GNS: variants seen among roughly 807,000 people sequenced by gnomAD.
GNS encodes glucosamine (N-acetyl)-6-sulfatase, also known as N-acetylglucosamine-6-sulfatase.
Under a neutral mutation model 69.7 loss-of-function variants are expected in GNS, and 40 were observed. That is an observed-to-expected ratio of 0.57 (90% CI 0.45 to 0.75). The LOEUF is 0.75. GNS is among the 30% of genes least tolerant of loss of function. GNS has a pLI of 0.00. For missense variants in GNS, 565 were observed against 685.5 expected, an observed-to-expected ratio of 0.82 and a Z score of 1.96; for synonymous variants, 243 against 251.6, an observed-to-expected ratio of 0.97 and a Z score of 0.32.
chr12:64,752,028 C>T (rs748661695), intron 2 of GNS, among the ~76,000 whole-genome samples: 50 of 150,404 alleles, frequency 3.3e-4, no homozygotes, highest in Non-Finnish European at 6.5e-4. Flanking sequence ...CACCTATTAA[C>T]TCAACCTCAC....
At chr12:64,737,152 C>A in intron 8 of GNS, 45 bp from the exon 9 acceptor site, 1 of 990,244 alleles carries the variant, frequency 1.0e-6, no homozygotes, top group Non-Finnish European at 1.6e-6. Flanking sequence ...AAGACAGGAG[C>A]CTTGCTCATG....
At chr12:64,735,952 G>C (rs1869544155) in intron 9 of GNS, among the ~76,000 whole-genome samples, 1 of 152,180 alleles carries the variant, frequency 6.6e-6, no homozygotes, top group African/African-American at 2.4e-5. Flanking sequence ...GTGAAAAATA[G>C]ACATTTAAAC....
In GNS at chr12:64,750,838, T is replaced by G. The variant is rs186440906; in HGVS notation, c.252+1860A>C. Among the ~76,000 whole-genome samples the G allele has an allele frequency of 1.1e-3, 170 of 152,242 alleles. 1 individual carries two copies. The highest frequency in any genetic ancestry group is 3.8e-3 in the African/African-American group (158 of 41,540). On this transcript the variant is annotated intron_variant, in intron 2 of 13. Transcript: ENST00000258145. ...GGAGGATCATCTGAGCCCAGGAGTT[T>G]GAGTTCAAGTCTTCAGTGAGCTACG...
Position 64,720,077 on chromosome 12 carries a change from T to A in GNS, c.1525A>T (p.Met509Leu). 6.2e-7 allele frequency: 1 copy of A among 1,611,674 alleles called. No homozygotes were observed. Among genetic ancestry groups the A allele is most frequent in the Non-Finnish European group, 8.5e-7 (1 of 1,177,762 alleles). The part of the protein sequence containing the change: ...LLGKMNYRLM[M>L]LQSCSGPTCR... ...GTTGGCCCAGAACAGGACTGTAACATCATTAACCGATAGTTCATCTTTCCT... is the reference window on the plus strand; with the variant it reads ...GTTGGCCCAGAACAGGACTGTAACAACATTAACCGATAGTTCATCTTTCCT... The change falls in exon 13 of 14, where the codon ATG becomes TTG. Residue 509 changes from methionine to leucine, a missense_variant. This residue lies in a region of GNS where 384 missense variants were observed against 511.0 expected (regional missense o/e 0.75). Coordinates refer to ENST00000258145, the MANE Select transcript of GNS (RefSeq NM_002076.4).
chr12:64,737,121 A>G lies in GNS; in HGVS notation c.995-14T>C, dbSNP rs772132248. 7.7e-7 allele frequency: 1 copy of G among 1,292,392 alleles called. No individual in the cohort carries two copies. The allele number at this position is 1,292,392 out of a possible 1,614,324, so 80.1% of individuals were successfully genotyped here. ...AGGAAAACTGTCCTGAAAACAAAAC[A>G]CACAATGTAAAGATGGAGCCAAGAC... is the stretch of plus-strand genomic sequence containing the variant. On this transcript the variant is annotated splice_polypyrimidine_tract_variant and intron_variant, in intron 8 of 13. Transcript: ENST00000258145.
In GNS at chr12:64,747,043, T is replaced by G. The variant is rs533481469; in HGVS notation, c.459+669A>C. Among the ~76,000 whole-genome samples the G allele has an allele frequency of 3.9e-4, 59 of 152,366 alleles. 1 individual carries two copies. The South Asian group carries it at 0.012, about 30-fold the overall frequency. ...CTCGAACATACTATTTCCTTTAAGC[T>G]TGGACTTTGGGTAAAAGCTAAGGCC... On this transcript the variant is annotated intron_variant, in intron 3 of 13. Coordinates refer to ENST00000258145, the MANE Select transcript of GNS (RefSeq NM_002076.4).
intron 13 of GNS, among the ~76,000 whole-genome samples, chr12:64,719,293 C>T (rs1868951881): frequency 6.6e-6 from 1 of 152,220 alleles, no homozygotes; most frequent in Non-Finnish European, 1.5e-5. Flanking sequence ...CCCTCTCTTA[C>T]AGTCTGAAGG....
chr12:64,737,420 A>T (rs1869589497), intron 8 of GNS, among the ~76,000 whole-genome samples: 1 of 152,218 alleles, frequency 6.6e-6, no homozygotes, highest in Non-Finnish European at 1.5e-5. Context: ...GCCTCATCAC[A>T]ACTGAATGAA....
In GNS at chr12:64,745,204, CTTTTTTTTTTT is replaced by C. The variant is rs141453545; in HGVS notation, c.526-308_526-298del. Among the ~76,000 whole-genome samples the C allele has an allele frequency of 8.7e-4, 37 of 42,350 alleles. 1 individual carries two copies. The highest frequency in any genetic ancestry group is 2.7e-3 in the East Asian group (3 of 1,096). 27.8% of individuals were successfully genotyped at this position (42,350 alleles called of 152,430 possible). ...AAGGAGTGACTCACAAGTCAATAGA[CTTTTTTTTTTT>C]TTTTTTTTTTTTTTTTTTTAAAGAG... On this transcript the variant is annotated intron_variant, in intron 4 of 13. Coordinates refer to ENST00000258145, the MANE Select transcript of GNS (RefSeq NM_002076.4).
Position 64,740,812 on chromosome 12 carries a change from G to A in GNS, c.793-124C>T, listed in dbSNP as rs1869707545. ...TACTTCAGCAAGAAGGAACTAACTG[G>A]AACTTGTTTAAGCAATTTCAGAACT... On this transcript the variant is annotated intron_variant, in intron 6 of 13. Transcript: ENST00000258145. 26 of 681,624 alleles carry A rather than the reference G, an allele frequency of 3.8e-5. No homozygotes were observed. In the South Asian group the frequency reaches 4.0e-4, roughly 11 times the overall value. The allele number at this position is 681,624 out of a possible 1,614,324, so 42.2% of individuals were successfully genotyped here.
At chr12:64,738,812 C>A (rs1450346215) in intron 8 of GNS, among the ~76,000 whole-genome samples, 1 of 81,950 alleles carries the variant, frequency 1.2e-5, no homozygotes, top group African/African-American at 4.7e-5. Flanking sequence ...GATTCTGTCC[C>A]CCCACCAGCC....
At position 64,740,437 on chromosome 12, in the gene GNS, G is replaced by T. The variant is rs79372577; in HGVS notation, c.875+169C>A. Among the ~76,000 whole-genome samples, 4 of 152,294 alleles carry T rather than the reference G, an allele frequency of 2.6e-5. No homozygotes were observed. In the East Asian group the frequency reaches 7.7e-4, roughly 29 times the overall value. Reference sequence around the variant, plus strand: ...TCCAAATGCCACCTCATTCATTTGAGTGTAAAGGAATCTCTCTGCTTCTGG... The same window carrying T: ...TCCAAATGCCACCTCATTCATTTGATTGTAAAGGAATCTCTCTGCTTCTGG... On this transcript the variant is annotated intron_variant, in intron 7 of 13. Coordinates refer to ENST00000258145, the MANE Select transcript of GNS (RefSeq NM_002076.4).
intron 1 of GNS, among the ~76,000 whole-genome samples, chr12:64,757,975 G>A (rs976491299): frequency 6.6e-6 from 1 of 152,188 alleles, no homozygotes; most frequent in Non-Finnish European, 1.5e-5. Flanking sequence ...GTTTTAAAGC[G>A]AAGAGAGGAA....
At chr12:64,738,767 C>A (rs573474383) in intron 8 of GNS, among the ~76,000 whole-genome samples, 1 of 152,134 alleles carries the variant, frequency 6.6e-6, no homozygotes, top group East Asian at 1.9e-4. Flanking sequence ...GAGCCGAGAT[C>A]ACGCTACTGT....
intron 8 of GNS, 151 bp from the exon 9 acceptor site, chr12:64,737,258 CTT>C (rs1869582418): frequency 3.0e-6 from 2 of 667,072 alleles, no homozygotes; most frequent in African/African-American, 3.6e-5. Context: ...GCCTGGGTCT[CTT>C]GTTACTACAA....
rs1202791963 is a variant in GNS, at chr12:64,715,653, TAGG to T, written c.*1085_*1087del. 3.9e-5 allele frequency: 6 copies of T among 154,426 alleles called. No individual in the cohort carries two copies. The South Asian group carries it at 1.0e-3, about 26-fold the overall frequency. The allele number at this position is 154,426 out of a possible 1,614,324, so 9.6% of individuals were successfully genotyped here. ...AGAACCCATCTAAAAGGGGAGAAGG[TAGG>T]GTAAAGTAGTTGATACTTTGCATCA... On this transcript the variant is annotated 3_prime_UTR_variant, in exon 14 of 14. Transcript: ENST00000258145.
chr12:64,737,377 C>T lies in GNS; in HGVS notation c.995-270G>A, dbSNP rs184120469. 2.8e-4 allele frequency among the ~76,000 whole-genome samples: 43 copies of T among 152,230 alleles called. No homozygotes were observed. The East Asian group carries it at 3.9e-3, about 14-fold the overall frequency. On this transcript the variant is annotated intron_variant, in intron 8 of 13. Coordinates refer to ENST00000258145, the MANE Select transcript of GNS (RefSeq NM_002076.4). ...AAATAATGACAGGAAAGTATTGAAA[C>T]ACAAATACATAAAAAATTATGCATG... is the stretch of plus-strand genomic sequence containing the variant.
chr12:64,745,966 A>G (rs137935886), intron 3 of GNS: 203 of 547,802 alleles, frequency 3.7e-4, no homozygotes, highest in Non-Finnish European at 5.6e-4. Context: ...ACAGCAAGCT[A>G]AGAATTTAAC....
chr12:64,732,504 A>C (rs1456656855), intron 9 of GNS, among the ~76,000 whole-genome samples: 1 of 148,192 alleles, frequency 6.7e-6, no homozygotes, highest in East Asian at 2.0e-4. Flanking sequence ...TCTGTTGCCC[A>C]GGCTGGAGTG....
Sources: gnomAD v4.1 joint callset for allele counts (sites outside exome capture counted in the v4.1 genomes callset) on GRCh38, gnomAD v4.1.1 for gene constraint, gnomAD v4.1.1 regional missense constraint, MANE v1.5 for transcripts, NCBI Gene and HGNC (gene_info 2026-07-23, HGNC 2026-07-21) for gene names.